Variants in TBC1D22A observed in about 807,000 individuals in gnomAD.
TBC1D22A encodes putative GTPase activator.
A neutral mutation model predicts 60.2 loss-of-function variants in TBC1D22A; 38 were observed. The observed-to-expected ratio is 0.63, with a 90% CI of 0.49 to 0.83. The LOEUF is 0.83. Among genes scored for constraint, TBC1D22A ranks in the 40% least tolerant of loss-of-function variants. The pLI is 0.00. For synonymous variants in TBC1D22A, 302 were observed against 281.7 expected (o/e 1.07, Z -0.72); for missense variants, 628 against 701.0 (o/e 0.90, Z 1.18).
At chr22:46,769,276 C>A (rs573801813) in intron 1 of TBC1D22A, among the ~76,000 whole-genome samples, 1 of 152,124 alleles carries the variant, frequency 6.6e-6, no homozygotes, top group Non-Finnish European at 1.5e-5. Flanking sequence ...ATCAGACGGT[C>A]GGCTGAATAG....
At chr22:46,865,997 A>G (rs1175163751) in intron 4 of TBC1D22A, among the ~76,000 whole-genome samples, 2 of 152,246 alleles carry the variant, frequency 1.3e-5, no homozygotes. Context: ...ACCTGAAGAA[A>G]CAGAAGGAGA....
At chr22:46,814,008 C>T (rs2085488996) in intron 4 of TBC1D22A, among the ~76,000 whole-genome samples, 1 of 152,250 alleles carries the variant, frequency 6.6e-6, no homozygotes, top group African/African-American at 2.4e-5. Context: ...AAAGCTGTTG[C>T]TGGTTTCTGC....
chr22:47,040,522 G>A (rs1341491798), intron 11 of TBC1D22A, among the ~76,000 whole-genome samples: 3 of 151,340 alleles, frequency 2.0e-5, no homozygotes, highest in African/African-American at 7.3e-5. Flanking sequence ...GAGGGCATCG[G>A]TAAGTCTGAG....
intron 8 of TBC1D22A, among the ~76,000 whole-genome samples, chr22:46,971,940 C>T (rs539433803): frequency 3.9e-5 from 6 of 152,288 alleles, no homozygotes; most frequent in East Asian, 1.9e-4. Flanking sequence ...GGCAGGGAGC[C>T]GGTGGGTGGA....
chr22:46,949,024 C>T (rs953236567), intron 8 of TBC1D22A, among the ~76,000 whole-genome samples: 13 of 152,134 alleles, frequency 8.5e-5, no homozygotes, highest in African/African-American at 4.8e-5. Context: ...AGGAGTGGAG[C>T]GCCACTTCTG....
At chr22:46,860,522 A>G (rs1027925074) in intron 4 of TBC1D22A, among the ~76,000 whole-genome samples, 1 of 119,356 alleles carries the variant, frequency 8.4e-6, no homozygotes, top group Non-Finnish European at 1.7e-5. Context: ...AGGTCCGCGC[A>G]GTGCCGTGCC....
At chr22:46,995,439 T>C (rs1015596932) in intron 9 of TBC1D22A, among the ~76,000 whole-genome samples, 3 of 152,202 alleles carry the variant, frequency 2.0e-5, no homozygotes, top group African/African-American at 4.8e-5. Context: ...ATTTTTTGTG[T>C]TCTGTGCCAC....
Position 47,164,726 on chromosome 22 carries a change from A to G in TBC1D22A, c.1426-8772A>G, listed in dbSNP as rs185945636. On this transcript the variant is annotated intron_variant, in intron 12 of 12. Coordinates refer to ENST00000337137, the MANE Select transcript of TBC1D22A (RefSeq NM_014346.5). Reference sequence around the variant, plus strand: ...GCGGGTCTTCTGCAGCCTGAAGTTCACTGGGGTCGCTCCGCTGGCAGCGCT... The same window carrying G: ...GCGGGTCTTCTGCAGCCTGAAGTTCGCTGGGGTCGCTCCGCTGGCAGCGCT... Among the ~76,000 whole-genome samples, 64 of 152,256 alleles carry G rather than the reference A, an allele frequency of 4.2e-4. 1 individual carries two copies. The highest frequency in any genetic ancestry group is 1.5e-3 in the African/African-American group (63 of 41,552).
intron 11 of TBC1D22A, among the ~76,000 whole-genome samples, chr22:47,063,697 G>A (rs2063660747): frequency 6.6e-6 from 1 of 152,188 alleles, no homozygotes; most frequent in Admixed American, 6.5e-5. Context: ...GGGCTTATAG[G>A]CCTGAGAGTT....
chr22:46,847,827 T>G (rs2087072453), intron 4 of TBC1D22A, among the ~76,000 whole-genome samples: 1 of 152,164 alleles, frequency 6.6e-6, no homozygotes, highest in South Asian at 2.1e-4. Flanking sequence ...AAAGTTTCCA[T>G]TGTAAATGGA....
chr22:46,964,792 G>T (rs2073716955), intron 8 of TBC1D22A, among the ~76,000 whole-genome samples: 1 of 152,206 alleles, frequency 6.6e-6, no homozygotes, highest in Admixed American at 6.5e-5. Context: ...GGGCACTGAG[G>T]GCTGAGGGGT....
intron 4 of TBC1D22A, among the ~76,000 whole-genome samples, chr22:46,875,894 G>C (rs1221683090): frequency 2.0e-5 from 3 of 152,206 alleles, no homozygotes; most frequent in Non-Finnish European, 4.4e-5. Flanking sequence ...AAAGCCAAGT[G>C]GTGGAGTCTG....
At chr22:47,171,026 A>G (rs1356819719) in intron 12 of TBC1D22A, among the ~76,000 whole-genome samples, 1 of 152,172 alleles carries the variant, frequency 6.6e-6, no homozygotes, top group East Asian at 1.9e-4. Flanking sequence ...CGGCACAGCC[A>G]GGATGTGAGC....
chr22:47,110,485 G>T (rs1019736738), intron 11 of TBC1D22A, among the ~76,000 whole-genome samples: 2 of 152,040 alleles, frequency 1.3e-5, no homozygotes, highest in Non-Finnish European at 2.9e-5. Flanking sequence ...TCTCAATAAA[G>T]AAAATAATAA....
chr22:46,894,868 G>T, intron 7 of TBC1D22A, 22 bp downstream of exon 7: 1 of 1,614,130 alleles, frequency 6.2e-7, no homozygotes, highest in Non-Finnish European at 8.5e-7. Flanking sequence ...TTGCCGTGGG[G>T]AGTTCCCCTC....
chr22:47,070,988 A>G (rs1198856941), intron 11 of TBC1D22A, among the ~76,000 whole-genome samples: 1 of 152,268 alleles, frequency 6.6e-6, no homozygotes, highest in Admixed American at 6.5e-5. Context: ...TATTTTGAAT[A>G]TACTTAAATG....
chr22:46,948,483 A>G (rs2072690123), intron 8 of TBC1D22A, among the ~76,000 whole-genome samples: 1 of 152,064 alleles, frequency 6.6e-6, no homozygotes, highest in Non-Finnish European at 1.5e-5. Context: ...CCTCCACCAA[A>G]ACCTTGGTTG....
intron 11 of TBC1D22A, among the ~76,000 whole-genome samples, chr22:47,053,696 A>C (rs1391980725): frequency 6.6e-6 from 1 of 152,186 alleles, no homozygotes; most frequent in Non-Finnish European, 1.5e-5. Flanking sequence ...TGGCTGAGAA[A>C]CATCATTAGT....
rs1287834732 is a variant in TBC1D22A at position 46,771,311 on chromosome 22, GTCTGTTTTTCTT to G, written c.62+8477_62+8488del. On this transcript the variant is annotated intron_variant, in intron 1 of 12. Transcript: ENST00000337137. ...GAGAACAAGTCTTCGGAGACCACTT[GTCTGTTTTTCTT>G]TCTGTTTTTCTTTTTAATTTTTTAT... 4.6e-5 allele frequency among the ~76,000 whole-genome samples: 7 copies of G among 152,060 alleles called. No homozygotes were observed. In the South Asian group the frequency reaches 8.3e-4, roughly 18 times the overall value.
Sources: allele counts gnomAD v4.1 joint callset (sites outside exome capture counted in the v4.1 genomes callset), GRCh38; gene constraint gnomAD v4.1.1; transcripts MANE v1.5; gene names NCBI Gene and HGNC (gene_info 2026-07-23, HGNC 2026-07-21).